Variants in PPIP5K2 observed in about 807,000 individuals in gnomAD.
The protein encoded by PPIP5K2 is inositol hexakisphosphate and diphosphoinositol-pentakisphosphate kinase 2.
In PPIP5K2, 105 loss-of-function variants were observed where a neutral mutation model predicts 154.6. The observed-to-expected ratio is 0.68, with a 90% CI of 0.58 to 0.80. The LOEUF is 0.80. Among genes scored for constraint, PPIP5K2 ranks in the 30% least tolerant of loss-of-function variants. The pLI is 0.00. For synonymous variants in PPIP5K2, 480 were observed against 490.3 expected (o/e 0.98, Z 0.28); for missense variants, 992 against 1,504.6 (o/e 0.66, Z 5.64).
intron 1 of PPIP5K2, among the ~76,000 whole-genome samples, chr5:103,121,828 G>A (rs1042568418): frequency 3.9e-5 from 6 of 152,176 alleles, no homozygotes; most frequent in African/African-American, 1.2e-4. Flanking sequence ...CTGAACAATT[G>A]GTAGAACATC....
chr5:103,156,583 T>G (rs1795454770), intron 14 of PPIP5K2, among the ~76,000 whole-genome samples: 1 of 152,108 alleles, frequency 6.6e-6, no homozygotes. Context: ...GTAATAATAA[T>G]CTGTCTTGCC....
intron 28 of PPIP5K2, chr5:103,188,498 GT>G (rs1230601270): frequency 6.6e-6 from 1 of 152,092 alleles, no homozygotes; most frequent in Non-Finnish European, 1.5e-5. Flanking sequence ...TCCTCAACAA[GT>G]AAAAATTTAG....
intron 28 of PPIP5K2, among the ~76,000 whole-genome samples, chr5:103,189,827 AC>A (rs1350343972): frequency 4.6e-5 from 7 of 152,090 alleles, no homozygotes; most frequent in Admixed American, 2.6e-4. Context: ...AAAAATGAGC[AC>A]ACGCCTATTG....
intron 7 of PPIP5K2, chr5:103,148,373 CA>C: frequency 3.9e-6 from 1 of 256,026 alleles, no homozygotes; most frequent in East Asian, 1.1e-4. Context: ...GTCTAATAAC[CA>C]CCACAGTTTC....
rs1803352266 is a variant in PPIP5K2, at chr5:103,204,149, G to A, written c.*2515G>A. On this transcript the variant is annotated 3_prime_UTR_variant, in exon 31 of 31. Transcript: ENST00000358359. ...ACTCTGTCTGACCTAAATGTCCACT[G>A]TTAACTAGTGCCATGCCAGTTTGAA... 6.6e-6 allele frequency: 1 copy of A among 152,172 alleles called. No individual in the cohort carries two copies. Among genetic ancestry groups the A allele is most frequent in the Admixed American group, 6.5e-5 (1 of 15,278 alleles). The allele number at this position is 152,172 out of a possible 1,614,324, so 9.4% of individuals were successfully genotyped here. A position where few individuals can be genotyped will look rare whatever the true frequency, so the allele number is the denominator to read the frequency against.
At chr5:103,143,604 G>A (rs1271644926) in intron 5 of PPIP5K2, among the ~76,000 whole-genome samples, 1 of 152,192 alleles carries the variant, frequency 6.6e-6, no homozygotes, top group African/African-American at 2.4e-5. Flanking sequence ...TAACGTGAAT[G>A]CAAATGAGCT....
intron 19 of PPIP5K2, among the ~76,000 whole-genome samples, chr5:103,170,775 A>G (rs1580326061): frequency 6.6e-6 from 1 of 151,692 alleles, no homozygotes; most frequent in East Asian, 1.9e-4. Context: ...CACCAAAAAT[A>G]TAACTAACAA....
chr5:103,154,763 CTTG>C lies in PPIP5K2; in HGVS notation c.1293+21_1293+23del. 6.4e-7 allele frequency: 1 copy of C among 1,558,926 alleles called. No individual in the cohort carries two copies. Among genetic ancestry groups the C allele is most frequent in the Non-Finnish European group, 8.7e-7 (1 of 1,154,656 alleles). ...AGTTACAGGCAAGTGTATTTGCTTT[CTTG>C]TTTAATTTTAAATTTTTTAGTGGTG... On this transcript the variant is annotated intron_variant, in intron 12 of 30. Coordinates refer to ENST00000358359, the MANE Select transcript of PPIP5K2 (RefSeq NM_001276277.3).
chr5:103,157,907 T>C (rs918819716), intron 14 of PPIP5K2, among the ~76,000 whole-genome samples: 1 of 152,094 alleles, frequency 6.6e-6, no homozygotes, highest in African/African-American at 2.4e-5. Flanking sequence ...GGGAGAAACA[T>C]TACATCCCTG....
chr5:103,193,459 A>T (rs1229355764), intron 29 of PPIP5K2, among the ~76,000 whole-genome samples: 3 of 151,980 alleles, frequency 2.0e-5, no homozygotes, highest in African/African-American at 4.8e-5. Context: ...CACAAAATTA[A>T]TAAATATTAA....
chr5:103,185,493 A>C (rs1389641649), intron 26 of PPIP5K2, among the ~76,000 whole-genome samples: 1 of 152,142 alleles, frequency 6.6e-6, no homozygotes, highest in Non-Finnish European at 1.5e-5. Context: ...AATTTCATAT[A>C]GCTTGTAATG....
At chr5:103,192,099 G>GT (rs1801336010) in intron 29 of PPIP5K2, among the ~76,000 whole-genome samples, 1 of 151,936 alleles carries the variant, frequency 6.6e-6, no homozygotes, top group South Asian at 2.1e-4. Flanking sequence ...ACAAAGTAGT[G>GT]ACCTTTCCCT....
intron 24 of PPIP5K2, 138 bp from the exon 25 acceptor site, chr5:103,183,096 T>G (rs1799787755): frequency 1.2e-6 from 1 of 827,536 alleles, no homozygotes; most frequent in Non-Finnish European, 1.6e-6. Context: ...TTAAAAAAAT[T>G]AATAAGCAAA....
intron 29 of PPIP5K2, 113 bp downstream of exon 29, chr5:103,191,095 A>C: frequency 1.0e-6 from 1 of 968,246 alleles, no homozygotes. Flanking sequence ...GAGTAGGAGT[A>C]CAAAGGGGAG....
At chr5:103,196,481 T>C (rs1802107031) in intron 30 of PPIP5K2, among the ~76,000 whole-genome samples, 1 of 152,156 alleles carries the variant, frequency 6.6e-6, no homozygotes, top group Admixed American at 6.5e-5. Context: ...AACATTTGTA[T>C]AGTTCTTTAT....
At chr5:103,128,414 T>C (rs1012645411) in intron 1 of PPIP5K2, among the ~76,000 whole-genome samples, 1 of 146,696 alleles carries the variant, frequency 6.8e-6, no homozygotes, top group Non-Finnish European at 1.5e-5. Flanking sequence ...TATTTATTTA[T>C]TTATTTATTT....
In PPIP5K2 at chr5:103,180,160, C is replaced by A; in HGVS notation, c.2894C>A (p.Pro965Gln). The A allele has an allele frequency of 6.3e-7, 1 of 1,595,122 alleles. No homozygotes were observed. The highest frequency in any genetic ancestry group is 8.5e-7 in the Non-Finnish European group (1 of 1,172,826). The part of the protein sequence containing the change: ...PIHIHRKSPL[P>Q]RSRKTATNDE... ...CATATACACAGGAAGTCTCCACTTC[C>A]AAGATCTAGGAAGACGGCTACAAAT... Residue 965 changes from proline (P) to glutamine (Q), a missense_variant, in exon 24 of 31, where the codon CCA (proline) becomes CAA (glutamine). This residue lies in a region of PPIP5K2 where 204 missense variants were observed against 224.0 expected (regional missense o/e 0.91). Transcript: ENST00000358359.
intron 5 of PPIP5K2, among the ~76,000 whole-genome samples, chr5:103,146,278 A>G (rs559922122): frequency 6.6e-6 from 1 of 152,042 alleles, no homozygotes; most frequent in East Asian, 1.9e-4. Flanking sequence ...TCTAACTTTG[A>G]ATTCTGTGGT....
chr5:103,196,642 G>A (rs566427109), intron 30 of PPIP5K2, among the ~76,000 whole-genome samples: 30 of 152,196 alleles, frequency 2.0e-4, no homozygotes, highest in Non-Finnish European at 3.2e-4. Flanking sequence ...CCTAGGATTT[G>A]AATGCATTTT....
Sources: allele counts gnomAD v4.1 joint callset (sites outside exome capture counted in the v4.1 genomes callset), GRCh38; gene constraint gnomAD v4.1.1; regional missense constraint gnomAD v4.1.1; transcripts MANE v1.5; gene names NCBI Gene and HGNC (gene_info 2026-07-23, HGNC 2026-07-21).